Variants in MGAT5B observed in about 807,000 individuals in gnomAD.
The protein encoded by MGAT5B is N-acetylglucosaminyl-transferase Vb.
Under a neutral mutation model 95.1 loss-of-function variants are expected in MGAT5B, and 54 were observed. The observed-to-expected ratio is 0.57, with a 90% CI of 0.46 to 0.71. The LOEUF is 0.71. Among genes scored for constraint, MGAT5B ranks in the 30% least tolerant of loss-of-function variants. The pLI is 0.00. For synonymous variants in MGAT5B, 464 were observed against 451.0 expected, an observed-to-expected ratio of 1.03 and a Z score of -0.36; for missense variants, 935 against 1,088.6, an observed-to-expected ratio of 0.86 and a Z score of 1.99.
intron 10 of MGAT5B, among the ~76,000 whole-genome samples, chr17:76,929,567 A>G (rs531325482): frequency 6.6e-5 from 10 of 152,364 alleles, no homozygotes; most frequent in Admixed American, 5.2e-4. Context: ...AAAAGGGGCC[A>G]CTAATTGGTT....
intron 12 of MGAT5B, 99 bp from the exon 13 acceptor site, chr17:76,937,889 G>A: frequency 1.4e-6 from 2 of 1,451,784 alleles, no homozygotes; most frequent in Non-Finnish European, 1.9e-6. Context: ...CTGAGACTGG[G>A]TCCACATCTT....
At chr17:76,887,521 C>G (rs1240208513) in intron 3 of MGAT5B, among the ~76,000 whole-genome samples, 1 of 71,214 alleles carries the variant, frequency 1.4e-5, no homozygotes, top group Non-Finnish European at 2.3e-5. Context: ...CTCCCTCCCT[C>G]CCTCCCTCCC....
chr17:76,919,115 G>A (rs776385181), intron 8 of MGAT5B, among the ~76,000 whole-genome samples: 1 of 152,226 alleles, frequency 6.6e-6, no homozygotes, highest in Non-Finnish European at 1.5e-5. Context: ...TGGAGCTCCT[G>A]CCCAGGGATA....
chr17:76,875,950 C>A (rs1214385803), intron 2 of MGAT5B, among the ~76,000 whole-genome samples: 1 of 152,082 alleles, frequency 6.6e-6, no homozygotes, highest in African/African-American at 2.4e-5. Flanking sequence ...GCCTGGAATA[C>A]AGAACTGAAG....
At chr17:76,894,890 A>G (rs1389496614) in intron 3 of MGAT5B, among the ~76,000 whole-genome samples, 2 of 151,978 alleles carry the variant, frequency 1.3e-5, no homozygotes, top group Non-Finnish European at 2.9e-5. Flanking sequence ...AAAGGCAAAA[A>G]AAAAGAACAG....
chr17:76,892,532 C>T (rs1967911423), intron 3 of MGAT5B, among the ~76,000 whole-genome samples: 1 of 152,214 alleles, frequency 6.6e-6, no homozygotes, highest in South Asian at 2.1e-4. Flanking sequence ...TTGGGATCCC[C>T]AAGGCCACCC....
intron 2 of MGAT5B, among the ~76,000 whole-genome samples, chr17:76,876,228 A>G (rs1362767135): frequency 6.6e-6 from 1 of 152,076 alleles, no homozygotes; most frequent in African/African-American, 2.4e-5. Context: ...AAAACCTAGG[A>G]GGTACCAGCA....
chr17:76,911,492 C>T (rs1446518726), intron 8 of MGAT5B, among the ~76,000 whole-genome samples: 1 of 152,190 alleles, frequency 6.6e-6, no homozygotes, highest in East Asian at 1.9e-4. Flanking sequence ...GGAGGTGGCC[C>T]AGATGGTGGG....
chr17:76,875,751 G>A (rs571898762), intron 2 of MGAT5B, among the ~76,000 whole-genome samples: 7 of 146,386 alleles, frequency 4.8e-5, no homozygotes, highest in African/African-American at 1.0e-4. Context: ...GCATTTGGTC[G>A]TTTCCAGTTT....
chr17:76,911,957 T>G (rs12951234), intron 8 of MGAT5B, among the ~76,000 whole-genome samples: 90,085 of 152,112 alleles, frequency 0.59, 29,301 homozygotes, highest in East Asian at 1. Context: ...AGTCTCTGCC[T>G]CAGGCCTCTC....
intron 3 of MGAT5B, among the ~76,000 whole-genome samples, chr17:76,892,157 C>T (rs1343757698): frequency 1.3e-5 from 2 of 152,200 alleles, no homozygotes; most frequent in Admixed American, 1.3e-4. Context: ...AAGCAATCCT[C>T]CCACCTCAGC....
rs62077162 is a variant in MGAT5B, at chr17:76,916,079, G to A, written c.1026-8887G>A. Among the ~76,000 whole-genome samples the A allele has an allele frequency of 1.3e-5, 2 of 150,218 alleles. No individual in the cohort carries two copies. Among genetic ancestry groups the A allele is most frequent in the Admixed American group, 6.6e-5 (1 of 15,220 alleles). ...AATGTCGTGGGCCTCTGCTGCTGGG[G>A]CCTGGGGCTGCCCTGGCCCCTGCCC... On this transcript the variant is annotated intron_variant, in intron 8 of 17. Coordinates refer to ENST00000569840, the MANE Select transcript of MGAT5B (RefSeq NM_001199172.2). The surrounding 1 kb of genome is among the most constrained non-coding windows in gnomAD (Gnocchi z 5.3).
At chr17:76,922,062 C>T (rs1251129662) in intron 8 of MGAT5B, among the ~76,000 whole-genome samples, 1 of 152,160 alleles carries the variant, frequency 6.6e-6, no homozygotes, top group Non-Finnish European at 1.5e-5. Context: ...CTGTGACGTG[C>T]TACAACCCCT....
In MGAT5B at chr17:76,905,312, C is replaced by T; in HGVS notation, c.834C>T (p.Ala278=). The change falls in exon 7 of 18, where the codon GCC becomes GCT. Residue 278 remains alanine (A), a synonymous_variant. Coordinates refer to ENST00000569840, the MANE Select transcript of MGAT5B (RefSeq NM_001199172.2). The surrounding 1 kb of genome is among the most constrained non-coding windows in gnomAD (Gnocchi z 4.2). ...AGCGCCTGGCACAGAAGCTGGGGGC[C>T]ACCCAGAGGGACCAGAAGCAGGTGC... is the stretch of plus-strand genomic sequence containing the variant. ...AAQRLAQKLG[A]TQRDQKQILV... The T allele has an allele frequency of 6.3e-7, 1 of 1,597,972 alleles. No homozygotes were observed. Among genetic ancestry groups the T allele is most frequent in the Non-Finnish European group, 8.6e-7 (1 of 1,168,712 alleles).
At position 76,868,934 on chromosome 17, in the gene MGAT5B, C is replaced by A; in HGVS notation, c.-96C>A. ...CAGCTTCGCTCGGACGCGGCTTCGG[C>A]CCGCAGAGGGTTCGTGGCCCGGACG... On this transcript the variant is annotated 5_prime_UTR_variant, in exon 1 of 18. Coordinates refer to ENST00000569840, the MANE Select transcript of MGAT5B (RefSeq NM_001199172.2). This position sits in a 1 kb window ranked among gnomAD's most constrained non-coding sequence, Gnocchi z 6.3. The A allele has an allele frequency of 1.6e-6, 2 of 1,257,184 alleles. No individual in the cohort carries two copies. The highest frequency in any genetic ancestry group is 1.1e-6 in the Non-Finnish European group (1 of 879,248). 77.9% of individuals were successfully genotyped at this position (1,257,184 alleles called of 1,614,324 possible). A position where few individuals can be genotyped will look rare whatever the true frequency, so the allele number is the denominator to read the frequency against.
chr17:76,900,222 C>A (rs992877326), intron 3 of MGAT5B, among the ~76,000 whole-genome samples: 4 of 152,204 alleles, frequency 2.6e-5, no homozygotes, highest in African/African-American at 9.7e-5. Flanking sequence ...ATGAAAAATA[C>A]TCCTACTTCC....
rs1967780689 is a variant in MGAT5B, at chr17:76,889,208, T to G, written c.329+6910T>G. Among the ~76,000 whole-genome samples the G allele has an allele frequency of 6.6e-6, 1 of 151,990 alleles. No homozygotes were observed. The highest frequency in any genetic ancestry group is 1.5e-5 in the Non-Finnish European group (1 of 67,988). On this transcript the variant is annotated intron_variant, in intron 3 of 17. Transcript: ENST00000569840. This position sits in a 1 kb window ranked among gnomAD's most constrained non-coding sequence, Gnocchi z 4.4. ...CAGGGGCAGTGTCAGCCCTGGGAGC[T>G]CGCCGTGTGACCTTGGGAAAGCCAC... is the stretch of plus-strand genomic sequence containing the variant.
chr17:76,949,114 C>T lies in MGAT5B; in HGVS notation c.*276C>T, dbSNP rs767878768. The T allele has an allele frequency of 4.0e-5, 20 of 494,752 alleles. No homozygotes were observed. Among genetic ancestry groups the T allele is most frequent in the Admixed American group, 7.1e-5 (2 of 28,226 alleles). 30.6% of individuals were successfully genotyped at this position (494,752 alleles called of 1,614,324 possible). ...AGCAGGTGTCGGACTGCTCAGAGTC[C>T]GCATGGCCCAGGAGCAGGTGGTCGG... On this transcript the variant is annotated 3_prime_UTR_variant, in exon 18 of 18. Coordinates refer to ENST00000569840, the MANE Select transcript of MGAT5B (RefSeq NM_001199172.2).
intron 15 of MGAT5B, chr17:76,944,252 C>CGTCGTT (rs920207252): frequency 2.3e-5 from 3 of 129,190 alleles, no homozygotes; most frequent in African/African-American, 8.5e-5. Flanking sequence ...ACGTCGTCGT[C>CGTCGTT]GTCGTTGGCC....
Sources: gnomAD v4.1 joint callset for allele counts (sites outside exome capture counted in the v4.1 genomes callset) on GRCh38, gnomAD v4.1.1 for gene constraint, Gnocchi (gnomAD v3.1) non-coding constraint, MANE v1.5 for transcripts, NCBI Gene and HGNC (gene_info 2026-07-23, HGNC 2026-07-21) for gene names.